Variants in PIK3C2B observed in about 807,000 individuals in gnomAD.
PIK3C2B encodes the protein phosphatidylinositol-4-phosphate 3-kinase catalytic subunit type 2 beta, also known as phosphatidylinositol 4-phosphate 3-kinase C2 domain-containing subunit beta.
In PIK3C2B, 83 loss-of-function variants were observed where a neutral mutation model predicts 184.3. The observed-to-expected ratio is 0.45, with a 90% CI of 0.38 to 0.54. The LOEUF (loss-of-function observed/expected upper bound fraction) is 0.54. Ranked by LOEUF, PIK3C2B falls within the 20% of genes least tolerant of loss-of-function variation. The pLI is 0.00. For synonymous variants in PIK3C2B, 779 were observed against 837.6 expected (o/e 0.93, Z 1.21); for missense variants, 1,736 against 2,113.5 (o/e 0.82, Z 3.50).
chr1:204,461,403 A>ACC (rs969084913), intron 5 of PIK3C2B, among the ~76,000 whole-genome samples: 4 of 152,102 alleles, frequency 2.6e-5, no homozygotes, highest in Non-Finnish European at 4.4e-5. Context: ...CAGCAAGGAA[A>ACC]CCCAAGAGGA....
chr1:204,444,468 G>T (rs371241925), intron 16 of PIK3C2B, 44 bp from the exon 17 acceptor site: 22 of 1,456,572 alleles, frequency 1.5e-5, no homozygotes, highest in Non-Finnish European at 1.9e-5. Context: ...GCTGCAAGTT[G>T]AGGCACAGCT....
At chr1:204,459,218 TG>T (rs1256353719) in intron 8 of PIK3C2B, among the ~76,000 whole-genome samples, 3 of 152,186 alleles carry the variant, frequency 2.0e-5, no homozygotes, top group Non-Finnish European at 4.4e-5. Context: ...GGTCTTGCTG[TG>T]TTGCCCAGGC....
At position 204,443,573 on chromosome 1, in the gene PIK3C2B, G is replaced by A. The variant is rs1406065794; in HGVS notation, c.2892C>T (p.Asp964=). 2 of 1,614,240 alleles carry A rather than the reference G, an allele frequency of 1.2e-6. No homozygotes were observed. Among genetic ancestry groups the A allele is most frequent in the Admixed American group, 1.7e-5 (1 of 60,026 alleles). ...FFWLLKDGLK[D]SQFSIRYQYL... is the part of the protein sequence containing the mutation. Reference sequence around the variant, plus strand: ...ACTGGTAGCGGATGCTGAACTGAGAGTCCTTGAGGCCGTCCTTCAGTAACC... The same window carrying A: ...ACTGGTAGCGGATGCTGAACTGAGAATCCTTGAGGCCGTCCTTCAGTAACC... Residue 964 remains aspartate, a synonymous_variant, in exon 19 of 33, where the codon GAC becomes GAT. Coordinates refer to ENST00000684373, the MANE Select transcript of PIK3C2B (RefSeq NM_001377334.1).
chr1:204,465,195 C>CT lies in PIK3C2B; in HGVS notation c.1034+23_1034+24insA, dbSNP rs1655655097. 5.4e-6 allele frequency: 4 copies of CT among 740,116 alleles called. No homozygotes were observed. In the East Asian group the frequency reaches 1.2e-4, roughly 22 times the overall value. The allele number at this position is 740,116 out of a possible 1,614,324, so 45.8% of individuals were successfully genotyped here. ...CCCATCCCCCATAGCCCTCCCAAAT[C>CT]CCACCCCATTCTTTAACTCTTACAT... On this transcript the variant is annotated intron_variant, in intron 3 of 32. Transcript: ENST00000684373.
chr1:204,427,272 T>A (rs191715931), intron 31 of PIK3C2B, among the ~76,000 whole-genome samples: 7 of 152,370 alleles, frequency 4.6e-5, no homozygotes, highest in African/African-American at 1.7e-4. Context: ...TATAGCCAGG[T>A]AATGAGCCCC....
At position 204,464,487 on chromosome 1, in the gene PIK3C2B, A is replaced by G; in HGVS notation, c.1152T>C (p.Cys384=). Residue 384 remains cysteine (C), a synonymous_variant, in exon 4 of 33, where the codon TGT becomes TGC. Transcript: ENST00000684373. ...DEVNLKVTVL[C]DRLQEALTFT... ...AAGTGAGTGCCTCTTGAAGCCTGTC[A>G]CACAACACAGTCACCTTCAGGTTGA... 6.2e-7 allele frequency: 1 copy of G among 1,613,850 alleles called. No homozygotes were observed. The highest frequency in any genetic ancestry group is 8.5e-7 in the Non-Finnish European group (1 of 1,179,864).
intron 2 of PIK3C2B, chr1:204,466,784 G>A: frequency 2.0e-6 from 1 of 510,428 alleles, no homozygotes; most frequent in Admixed American, 2.2e-5. Flanking sequence ...TGCCCAGCTG[G>A]CAGGCCCTGG....
chr1:204,447,900 T>G lies in PIK3C2B; in HGVS notation c.2347-322A>C, dbSNP rs1183112558. On this transcript the variant is annotated intron_variant, in intron 14 of 32. Coordinates refer to ENST00000684373, the MANE Select transcript of PIK3C2B (RefSeq NM_001377334.1). The surrounding 1 kb of genome is among the most constrained non-coding windows in gnomAD (Gnocchi z 4.1). ...GGTGTCACCCAGCTGAAACACGGGG[T>G]GCATCCAGGCTGAGTCCGGGGTGAC... Among the ~76,000 whole-genome samples the G allele has an allele frequency of 1.3e-5, 2 of 151,980 alleles. No individual in the cohort carries two copies. The highest frequency in any genetic ancestry group is 1.5e-5 in the Non-Finnish European group (1 of 67,976).
At chr1:204,465,368 C>T in intron 2 of PIK3C2B, 49 bp from the exon 3 acceptor site, 1 of 1,176,282 alleles carries the variant, frequency 8.5e-7, no homozygotes, top group Non-Finnish European at 1.3e-6. Flanking sequence ...CGTGGTGTCC[C>T]CTCCCTATGA....
intron 1 of PIK3C2B, among the ~76,000 whole-genome samples, chr1:204,478,588 G>A (rs1656892121): frequency 6.6e-6 from 1 of 152,108 alleles, no homozygotes; most frequent in Admixed American, 6.5e-5. Context: ...GTGCCCTCTG[G>A]GTGCCTCTCA....
chr1:204,450,872 C>T (rs1029534103), intron 12 of PIK3C2B, among the ~76,000 whole-genome samples: 2 of 152,210 alleles, frequency 1.3e-5, no homozygotes, highest in East Asian at 1.9e-4. Flanking sequence ...GAAGCTGTCC[C>T]TGGGCCAAAG....
Position 204,486,056 on chromosome 1 carries a change from A to C in PIK3C2B, c.-85+8300T>G, listed in dbSNP as rs72752083. Among the ~76,000 whole-genome samples the C allele has an allele frequency of 8.1e-3, 1,237 of 152,338 alleles. 9 individuals are homozygous for C. The highest frequency in any genetic ancestry group is 0.012 in the Non-Finnish European group (829 of 68,028). ...TAAAAATAATAGCTTTTATTTGTAT[A>C]GGTATTTATAGCTACAAAGCACTTT... On this transcript the variant is annotated intron_variant, in intron 1 of 32. Coordinates refer to ENST00000684373, the MANE Select transcript of PIK3C2B (RefSeq NM_001377334.1).
intron 12 of PIK3C2B, among the ~76,000 whole-genome samples, chr1:204,452,287 C>CGTTT (rs1558252010): frequency 1.0e-3 from 46 of 44,426 alleles, no homozygotes; most frequent in African/African-American, 2.1e-3. Context: ...TGTGCAGCAC[C>CGTTT]CTTTTTTTTT....
chr1:204,431,929 A>G, intron 27 of PIK3C2B, 136 bp from the exon 28 acceptor site: 1 of 965,320 alleles, frequency 1.0e-6, no homozygotes, highest in Non-Finnish European at 1.6e-6. Context: ...GAGTGGAGAC[A>G]GATGATAGCA....
chr1:204,429,315 T>C (rs1674913995), intron 29 of PIK3C2B, among the ~76,000 whole-genome samples: 1 of 152,234 alleles, frequency 6.6e-6, no homozygotes, highest in Non-Finnish European at 1.5e-5. Context: ...AAAAATAAAA[T>C]GGTTAAGATT....
intron 31 of PIK3C2B, among the ~76,000 whole-genome samples, chr1:204,426,716 G>A (rs1674761615): frequency 6.6e-6 from 1 of 152,176 alleles, no homozygotes; most frequent in South Asian, 2.1e-4. Flanking sequence ...TCAGTATATA[G>A]CAGGCACTCA....
intron 22 of PIK3C2B, among the ~76,000 whole-genome samples, chr1:204,439,781 C>T (rs1675546734): frequency 6.6e-6 from 1 of 152,190 alleles, no homozygotes; most frequent in African/African-American, 2.4e-5. Context: ...ACTGCAGGCA[C>T]ATGCCATTAG....
chr1:204,473,929 A>T (rs1015984178), intron 1 of PIK3C2B, among the ~76,000 whole-genome samples: 1 of 150,896 alleles, frequency 6.6e-6, no homozygotes, highest in Non-Finnish European at 1.5e-5. Context: ...GCACATAAAC[A>T]TGCTTCACCT....
At chr1:204,462,988 C>T (rs543021917) in intron 5 of PIK3C2B, among the ~76,000 whole-genome samples, 22 of 152,112 alleles carry the variant, frequency 1.4e-4, no homozygotes, top group African/African-American at 5.3e-4. Context: ...GCCTGGGAGA[C>T]GGAGGTTGCA....
Sources: allele counts gnomAD v4.1 joint callset (sites outside exome capture counted in the v4.1 genomes callset), GRCh38; gene constraint gnomAD v4.1.1; non-coding constraint Gnocchi (gnomAD v3.1); transcripts MANE v1.5; gene names NCBI Gene and HGNC (gene_info 2026-07-23, HGNC 2026-07-21).